The following PLPPR1 variants were observed in gnomAD, a reference collection of about 807,000 sequenced individuals.
PLPPR1 encodes phospholipid phosphatase-related protein type 1.
Under a neutral mutation model 33.1 loss-of-function variants are expected in PLPPR1, and 10 were observed. The ratio of observed to expected loss-of-function variants is 0.30; its 90% confidence interval spans 0.19 to 0.51. The LOEUF (loss-of-function observed/expected upper bound fraction) is 0.51. PLPPR1 is among the 20% of genes least tolerant of loss of function. The pLI is 0.97. For missense variants in PLPPR1, 304 were observed against 408.1 expected (o/e 0.74, Z 2.20); for synonymous variants, 151 against 151.0 (o/e 1.00, Z 0.00).
chr9:101,273,946 G>GTGAT (rs1828142707), intron 3 of PLPPR1, among the ~76,000 whole-genome samples: 1 of 152,210 alleles, frequency 6.6e-6, no homozygotes, highest in Non-Finnish European at 1.5e-5. Context: ...CAGAGTAAAA[G>GTGAT]TGATAGGTCT....
At chr9:101,158,085 A>G (rs74916935) in intron 1 of PLPPR1, among the ~76,000 whole-genome samples, 7,957 of 152,220 alleles carry the variant, frequency 0.052, 724 homozygotes, top group African/African-American at 0.18. Flanking sequence ...GTTACAAACT[A>G]CAGTGAAATG....
intron 1 of PLPPR1, among the ~76,000 whole-genome samples, chr9:101,183,964 G>A (rs1826161986): frequency 6.6e-6 from 1 of 151,600 alleles, no homozygotes; most frequent in South Asian, 2.1e-4. Flanking sequence ...ACTGTATTTG[G>A]CTGATGCTAA....
chr9:101,034,367 C>T (rs952148070), intron 1 of PLPPR1, among the ~76,000 whole-genome samples: 23 of 152,092 alleles, frequency 1.5e-4, no homozygotes, highest in African/African-American at 5.6e-4. Flanking sequence ...AATTCAGATC[C>T]TTGAATGTCC....
At chr9:101,152,920 T>C (rs192522452) in intron 1 of PLPPR1, among the ~76,000 whole-genome samples, 1,562 of 152,342 alleles carry the variant, frequency 0.01, 10 homozygotes, top group Middle Eastern at 0.02. Flanking sequence ...AAGTAGTTTT[T>C]TCCAATTCTG....
chr9:101,043,570 A>G, intron 1 of PLPPR1, among the ~76,000 whole-genome samples: 1 of 151,878 alleles, frequency 6.6e-6, no homozygotes, highest in South Asian at 2.1e-4. Context: ...CTGTTTCTAC[A>G]TTTTTGCAAT....
intron 1 of PLPPR1, among the ~76,000 whole-genome samples, chr9:101,148,025 A>G (rs1831541013): frequency 6.6e-6 from 1 of 152,142 alleles, no homozygotes; most frequent in Non-Finnish European, 1.5e-5. Context: ...AGAGGGTCCT[A>G]CATGTGTGCA....
chr9:101,299,664 C>G (rs949933403), intron 4 of PLPPR1, among the ~76,000 whole-genome samples: 10 of 152,176 alleles, frequency 6.6e-5, no homozygotes, highest in Admixed American at 6.5e-4. Flanking sequence ...AGAGGCTGGA[C>G]TCCAATAAAG....
At chr9:101,191,730 CAAG>C (rs1366340378) in intron 2 of PLPPR1, among the ~76,000 whole-genome samples, 1 of 152,144 alleles carries the variant, frequency 6.6e-6, no homozygotes, top group Non-Finnish European at 1.5e-5. Flanking sequence ...GGATTCCTCT[CAAG>C]AAAATTTTAC....
At chr9:101,071,022 G>C (rs1489478016) in intron 1 of PLPPR1, among the ~76,000 whole-genome samples, 1 of 152,094 alleles carries the variant, frequency 6.6e-6, no homozygotes, top group Non-Finnish European at 1.5e-5. Context: ...AATGAGTGAA[G>C]AACAAGATCA....
intron 2 of PLPPR1, among the ~76,000 whole-genome samples, chr9:101,247,131 C>CCA (rs566101570): frequency 6.6e-6 from 1 of 151,960 alleles, no homozygotes; most frequent in Non-Finnish European, 1.5e-5. Context: ...TACCATAAAA[C>CCA]CACACTAAGA....
chr9:101,311,792 A>G lies in PLPPR1; in HGVS notation c.637-1006A>G, dbSNP rs376678678. ...TGCTCAGGCCATATACACATACTAT[A>G]TAAGTATCAGCATATTATTTTTTAG... On this transcript the variant is annotated intron_variant, in intron 5 of 7. Transcript: ENST00000374874. 6.6e-5 allele frequency among the ~76,000 whole-genome samples: 10 copies of G among 152,376 alleles called. No individual in the cohort carries two copies. In the East Asian group the frequency reaches 1.5e-3, roughly 24 times the overall value.
At chr9:101,235,999 T>C (rs760895097) in intron 2 of PLPPR1, among the ~76,000 whole-genome samples, 3 of 151,840 alleles carry the variant, frequency 2.0e-5, no homozygotes, top group African/African-American at 7.2e-5. Flanking sequence ...TGTTACATTA[T>C]ATTTATATTT....
intron 2 of PLPPR1, among the ~76,000 whole-genome samples, chr9:101,234,930 G>T (rs770425528): frequency 4.6e-5 from 7 of 151,820 alleles, no homozygotes; most frequent in Non-Finnish European, 8.8e-5. Context: ...TAAGTCTCAG[G>T]ATTCTAATTT....
chr9:101,240,856 A>G (rs568335356), intron 2 of PLPPR1, among the ~76,000 whole-genome samples: 1 of 152,216 alleles, frequency 6.6e-6, no homozygotes, highest in South Asian at 2.1e-4. Context: ...ATGTAGAATC[A>G]GGATCCTGGT....
chr9:101,122,068 G>T (rs551728109), intron 1 of PLPPR1, among the ~76,000 whole-genome samples: 1 of 151,892 alleles, frequency 6.6e-6, no homozygotes, highest in African/African-American at 2.4e-5. Context: ...TATTTCCTTT[G>T]TATGAAAACA....
chr9:101,078,096 GAGAAGGAGAAGAAGA>G (rs1564138101), intron 1 of PLPPR1, among the ~76,000 whole-genome samples: 1 of 54,922 alleles, frequency 1.8e-5, no homozygotes, highest in Non-Finnish European at 3.5e-5. Context: ...GGAGGAGAAG[GAGAAGGAGAAGAAGA>G]AGAAGAAGAA....
intron 2 of PLPPR1, among the ~76,000 whole-genome samples, chr9:101,256,976 CTG>C (rs1255493960): frequency 1.3e-5 from 2 of 152,004 alleles, no homozygotes; most frequent in Non-Finnish European, 2.9e-5. Flanking sequence ...AGTTCAGAAA[CTG>C]TCTGCATTTC....
chr9:101,087,860 C>G (rs984687907), intron 1 of PLPPR1, among the ~76,000 whole-genome samples: 7 of 152,148 alleles, frequency 4.6e-5, no homozygotes, highest in African/African-American at 1.7e-4. Flanking sequence ...TTTTCTGTGT[C>G]AAATGTTTCT....
intron 2 of PLPPR1, among the ~76,000 whole-genome samples, chr9:101,264,165 C>G (rs1043056921): frequency 6.6e-6 from 1 of 152,078 alleles, no homozygotes; most frequent in Non-Finnish European, 1.5e-5. Flanking sequence ...TTTCCCAATA[C>G]CAAAAAACAT....
Sources: allele counts gnomAD v4.1 joint callset (sites outside exome capture counted in the v4.1 genomes callset), GRCh38; gene constraint gnomAD v4.1.1; transcripts MANE v1.5; gene names NCBI Gene and HGNC (gene_info 2026-07-23, HGNC 2026-07-21).